POU6F1: variants seen among roughly 807,000 people sequenced by gnomAD.
POU6F1 encodes the protein POU domain, class 6, transcription factor 1.
POU6F1 carries 9 observed loss-of-function variants against 28.9 expected under a neutral mutation model. The observed-to-expected ratio is 0.31, with a 90% CI of 0.19 to 0.54. The LOEUF (loss-of-function observed/expected upper bound fraction) is 0.54. Ranked by LOEUF, POU6F1 falls within the 20% of genes least tolerant of loss-of-function variation. The probability of loss-of-function intolerance (pLI) is 0.94; values close to 1 mark genes in which losing one functional copy is unlikely to be tolerated. For synonymous variants in POU6F1, 173 were observed against 171.1 expected, an observed-to-expected ratio of 1.01 and a Z score of -0.09; for missense variants, 338 against 426.1, an observed-to-expected ratio of 0.79 and a Z score of 1.82.
At chr12:51,194,274 G>A (rs1014534774) in intron 8 of POU6F1, among the ~76,000 whole-genome samples, 4 of 152,016 alleles carry the variant, frequency 2.6e-5, no homozygotes, top group East Asian at 1.9e-4. Context: ...TGATCCACCC[G>A]CCTCGGCCTA....
intron 2 of POU6F1, among the ~76,000 whole-genome samples, chr12:51,205,069 C>T (rs1195853153): frequency 7.2e-6 from 1 of 138,654 alleles, no homozygotes; most frequent in Non-Finnish European, 1.5e-5. Flanking sequence ...GACAGAGTCT[C>T]GCTCTGTCAC....
At chr12:51,200,932 A>T (rs971875018) in intron 3 of POU6F1, among the ~76,000 whole-genome samples, 4 of 152,130 alleles carry the variant, frequency 2.6e-5, no homozygotes, top group Non-Finnish European at 5.9e-5. Flanking sequence ...ACCTCAAGTG[A>T]TGTGCCCGCC....
chr12:51,203,196 T>G (rs2137166961), intron 3 of POU6F1, among the ~76,000 whole-genome samples: 1 of 152,196 alleles, frequency 6.6e-6, no homozygotes, highest in South Asian at 2.1e-4. Flanking sequence ...CGAATTTGGA[T>G]AAGGAGCAGA....
At chr12:51,205,433 C>T (rs569690950) in intron 2 of POU6F1, among the ~76,000 whole-genome samples, 9 of 152,322 alleles carry the variant, frequency 5.9e-5, no homozygotes, top group South Asian at 2.1e-4. Flanking sequence ...CATGCATGAG[C>T]GATGCAGGCG....
Position 51,217,166 on chromosome 12 carries a change from C to G in POU6F1, c.-48+476G>C, listed in dbSNP as rs901690700. Among the ~76,000 whole-genome samples, 3 of 152,212 alleles carry G rather than the reference C, an allele frequency of 2.0e-5. No homozygotes were observed. The highest frequency in any genetic ancestry group is 7.2e-5 in the African/African-American group (3 of 41,466). On this transcript the variant is annotated intron_variant, in intron 1 of 10. Transcript: ENST00000333640. The surrounding 1 kb of genome is among the most constrained non-coding windows in gnomAD (Gnocchi z 5.3). ...TTCGGGAGAACCGTGACAGGTCACC[C>G]TGGCCGCCCCAGCTGGCCCTAACCG... is the stretch of plus-strand genomic sequence containing the variant.
Position 51,191,673 on chromosome 12 carries a change from C to G in POU6F1, c.1413G>C (p.Leu471=), listed in dbSNP as rs780609494. ...AKNFKIRRLS[L]GLTQTQVGQA... ...GACCCACCTGGGTCTGTGTAAGGCCCAGCGAGAGCCGCCGGATCTTAAAGT... is the reference window on the plus strand; with the variant it reads ...GACCCACCTGGGTCTGTGTAAGGCCGAGCGAGAGCCGCCGGATCTTAAAGT... The change falls in exon 10 of 11, where the codon CTG becomes CTC. Residue 471 remains leucine (L), a synonymous_variant. Coordinates refer to ENST00000333640, the MANE Select transcript of POU6F1 (RefSeq NM_001330422.2). 1 of 1,614,194 alleles carries G rather than the reference C, an allele frequency of 6.2e-7. No homozygotes were observed. Among genetic ancestry groups the G allele is most frequent in the East Asian group, 2.2e-5 (1 of 44,888 alleles).
At chr12:51,194,644 A>T (rs1416698325) in intron 8 of POU6F1, among the ~76,000 whole-genome samples, 3 of 149,344 alleles carry the variant, frequency 2.0e-5, no homozygotes, top group Admixed American at 2.0e-4. Context: ...TGGTCTCAAA[A>T]AAAAAAAAAA....
chr12:51,204,791 G>A (rs539292042), intron 2 of POU6F1, among the ~76,000 whole-genome samples: 3 of 152,162 alleles, frequency 2.0e-5, no homozygotes, highest in South Asian at 2.1e-4. Flanking sequence ...AGCTTAAGTC[G>A]GGCCAGGAAC....
intron 1 of POU6F1, among the ~76,000 whole-genome samples, chr12:51,212,551 C>T (rs1180639547): frequency 2.0e-5 from 3 of 150,154 alleles, no homozygotes; most frequent in Admixed American, 2.0e-4. Flanking sequence ...GAGGCTGAGG[C>T]GAGTAGATCA....
intron 3 of POU6F1, chr12:51,202,339 A>G (rs571710996): frequency 6.6e-6 from 1 of 151,126 alleles, no homozygotes; most frequent in East Asian, 2.0e-4. Context: ...TTTTATTTTA[A>G]TTTGAGACGG....
rs1942168712 is a variant in POU6F1 at position 51,188,393 on chromosome 12, C to CA, written c.*1853_*1854insT. Reference sequence around the variant, plus strand: ...GGAGACTCTCTGTTGGAGACACGCTCTCCTGAAAAGCTGGGTCAGGCAAGC... The same window carrying CA: ...GGAGACTCTCTGTTGGAGACACGCTCATCCTGAAAAGCTGGGTCAGGCAAGC... On this transcript the variant is annotated 3_prime_UTR_variant, in exon 11 of 11. Transcript: ENST00000333640. 6.6e-6 allele frequency: 1 copy of CA among 152,276 alleles called. No individual in the cohort carries two copies. The highest frequency in any genetic ancestry group is 6.5e-5 in the Admixed American group (1 of 15,288). The allele number at this position is 152,276 out of a possible 1,614,324, so 9.4% of individuals were successfully genotyped here.
rs908794959 is a variant in POU6F1, at chr12:51,190,655, G to A, written c.1491-63C>T. 52 of 1,565,346 alleles carry A rather than the reference G, an allele frequency of 3.3e-5. No homozygotes were observed. The highest frequency in any genetic ancestry group is 8.2e-5 in the African/African-American group (6 of 73,550). ...CATGTTGGTCTCTTTGGCACACCCCGCACCTAGGTGCAGGCTCCATCCTCA... is the reference window on the plus strand; with the variant it reads ...CATGTTGGTCTCTTTGGCACACCCCACACCTAGGTGCAGGCTCCATCCTCA... On this transcript the variant is annotated intron_variant, in intron 10 of 10. Transcript: ENST00000333640. The surrounding 1 kb of genome is among the most constrained non-coding windows in gnomAD (Gnocchi z 4.5).
chr12:51,214,700 G>A (rs79497074), intron 1 of POU6F1, among the ~76,000 whole-genome samples: 2 of 152,336 alleles, frequency 1.3e-5, no homozygotes, highest in East Asian at 3.9e-4. Flanking sequence ...CACTTTGGGA[G>A]GCTGAGGCGG....
At chr12:51,208,734 C>T (rs906202102) in intron 1 of POU6F1, among the ~76,000 whole-genome samples, 1 of 152,048 alleles carries the variant, frequency 6.6e-6, no homozygotes, top group Non-Finnish European at 1.5e-5. Context: ...CCCAGGAGTT[C>T]GAGACTAGCC....
At chr12:51,212,960 G>A (rs1592205157) in intron 1 of POU6F1, among the ~76,000 whole-genome samples, 1 of 150,840 alleles carries the variant, frequency 6.6e-6, no homozygotes, top group Non-Finnish European at 1.5e-5. Flanking sequence ...TTTTCGAGGC[G>A]GAGTCTCGCT....
rs537903527 is a variant in POU6F1, at chr12:51,212,316, A to C, written c.-48+5326T>G. On this transcript the variant is annotated intron_variant, in intron 1 of 10. Transcript: ENST00000333640. ...ACCATGTTGGCCAGGCTGGTCTCGA[A>C]CTCCTGACCTCGTGATCTGCCTGTC... Among the ~76,000 whole-genome samples, 127 of 149,688 alleles carry C rather than the reference A, an allele frequency of 8.5e-4. 2 individuals are homozygous for C. In the Middle Eastern group the frequency reaches 0.017, roughly 20 times the overall value.
intron 1 of POU6F1, among the ~76,000 whole-genome samples, chr12:51,212,089 TTTGTTTG>T (rs1944034002): frequency 1.4e-5 from 2 of 145,644 alleles, no homozygotes; most frequent in East Asian, 2.0e-4. Flanking sequence ...TTTTGTTTTG[TTTGTTTG>T]TTTGTTTGTT....
At chr12:51,204,014 G>A (rs910924207) in intron 3 of POU6F1, among the ~76,000 whole-genome samples, 159 bp downstream of exon 3, 2 of 152,090 alleles carry the variant, frequency 1.3e-5, no homozygotes, top group African/African-American at 2.4e-5. Context: ...GTGTAGAGTA[G>A]CCCTCGCAGC....
chr12:51,215,667 G>C (rs1300790711), intron 1 of POU6F1, among the ~76,000 whole-genome samples: 4 of 150,890 alleles, frequency 2.7e-5, no homozygotes, highest in Non-Finnish European at 4.4e-5. Flanking sequence ...CTCATTCCAA[G>C]CCTTCCTCCT....
Sources: gnomAD v4.1 joint callset for allele counts (sites outside exome capture counted in the v4.1 genomes callset) on GRCh38, gnomAD v4.1.1 for gene constraint, Gnocchi (gnomAD v3.1) non-coding constraint, MANE v1.5 for transcripts, NCBI Gene and HGNC (gene_info 2026-07-23, HGNC 2026-07-21) for gene names.